Variants in ZFPM2 observed in about 807,000 individuals in gnomAD.
The protein encoded by ZFPM2 is zinc finger protein ZFPM2.
Under a neutral mutation model 98.6 loss-of-function variants are expected in ZFPM2, and 20 were observed. The ratio of observed to expected loss-of-function variants is 0.20; its 90% CI spans 0.14 to 0.29. The LOEUF (loss-of-function observed/expected upper bound fraction) is 0.29, where lower values mean the gene tolerates loss of function less well. ZFPM2 is among the 10% of genes least tolerant of loss of function. The pLI, the probability that ZFPM2 is intolerant of heterozygous loss-of-function variation, is 1.00. For synonymous variants in ZFPM2, 518 were observed against 502.7 expected (o/e 1.03, Z -0.41); for missense variants, 1,310 against 1,388.6 (o/e 0.94, Z 0.90).
At chr8:105,754,354 T>G (rs1812547176) in intron 5 of ZFPM2, among the ~76,000 whole-genome samples, 2 of 152,188 alleles carry the variant, frequency 1.3e-5, no homozygotes, top group African/African-American at 4.8e-5. Flanking sequence ...AAGAATTTTT[T>G]ATGTCCACTG....
chr8:105,334,150 G>A (rs1343692809), intron 1 of ZFPM2, among the ~76,000 whole-genome samples: 1 of 150,758 alleles, frequency 6.6e-6, no homozygotes, highest in Non-Finnish European at 1.5e-5. Flanking sequence ...GTGTGTGTGT[G>A]TGTGTGTGTG....
chr8:105,681,410 T>G (rs6993551), intron 5 of ZFPM2, among the ~76,000 whole-genome samples: 218 of 152,284 alleles, frequency 1.4e-3, no homozygotes, highest in African/African-American at 4.9e-3. Flanking sequence ...GTAGCAACAC[T>G]TTTTGGAGAA....
At chr8:105,757,797 G>T (rs538316837) in intron 5 of ZFPM2, among the ~76,000 whole-genome samples, 2 of 152,058 alleles carry the variant, frequency 1.3e-5, no homozygotes, top group Non-Finnish European at 2.9e-5. Context: ...TGGGCTTCTG[G>T]TGTTGTGAAA....
rs1233046594 is a variant in ZFPM2, at chr8:105,539,621, C to T, written c.302-21742C>T. On this transcript the variant is annotated intron_variant, in intron 3 of 7. Coordinates refer to ENST00000407775, the MANE Select transcript of ZFPM2 (RefSeq NM_012082.4). ...TAAAGAAACCAATAAAACTGACCTC[C>T]AGCAATTTACATGCACCTTTGTGAG... is the stretch of plus-strand genomic sequence containing the variant. Among the ~76,000 whole-genome samples, 3 of 152,128 alleles carry T rather than the reference C, an allele frequency of 2.0e-5. No individual in the cohort carries two copies. The East Asian group carries it at 5.8e-4, about 29-fold the overall frequency.
chr8:105,770,762 C>T (rs1015474765), intron 5 of ZFPM2, among the ~76,000 whole-genome samples: 8 of 152,260 alleles, frequency 5.3e-5, no homozygotes, highest in Middle Eastern at 3.4e-3. Context: ...TTCTAGGCAT[C>T]TGTTTGCCAA....
chr8:105,561,256 A>G (rs779730457), intron 3 of ZFPM2, 107 bp from the exon 4 acceptor site: 6 of 836,366 alleles, frequency 7.2e-6, no homozygotes, highest in Non-Finnish European at 1.2e-5. Flanking sequence ...AATTCTCTTT[A>G]TATGAATCCT....
At chr8:105,529,578 C>CG (rs1004390853) in intron 3 of ZFPM2, among the ~76,000 whole-genome samples, 1 of 122,132 alleles carries the variant, frequency 8.2e-6, no homozygotes, top group East Asian at 2.2e-4. Flanking sequence ...CAACTCTCAG[C>CG]ATTTTTTTTT....
At chr8:105,353,003 A>C (rs993662633) in intron 1 of ZFPM2, among the ~76,000 whole-genome samples, 1 of 152,270 alleles carries the variant, frequency 6.6e-6, no homozygotes, top group East Asian at 1.9e-4. Context: ...ATAGGCTTTG[A>C]GCTAAGTACA....
chr8:105,801,136 C>T lies in ZFPM2; in HGVS notation c.1054C>T (p.Gln352Ter). ...YTADSVINFH[Q>*]HLFSHLTQAA... The stretch of plus-strand genomic sequence containing the variant: ...TGCTGATTCCGTGATCAACTTTCAC[C>T]AACACCTGTTCTCCCATCTCACTCA... Residue 352 changes from glutamine to a stop codon, truncating the protein, a stop_gained, in exon 8 of 8, where the codon CAA becomes TAA. Coordinates refer to ENST00000407775, the MANE Select transcript of ZFPM2 (RefSeq NM_012082.4). LOFTEE classifies it high-confidence loss of function. 6.2e-7 allele frequency: 1 copy of T among 1,613,916 alleles called. No homozygotes were observed. Among genetic ancestry groups the T allele is most frequent in the Non-Finnish European group, 8.5e-7 (1 of 1,179,870 alleles).
intron 3 of ZFPM2, among the ~76,000 whole-genome samples, chr8:105,517,416 A>C (rs963054418): frequency 1.3e-5 from 2 of 152,182 alleles, no homozygotes; most frequent in Non-Finnish European, 2.9e-5. Flanking sequence ...TTGACAAATA[A>C]AAATTATATG....
At chr8:105,707,659 A>G (rs1384450882) in intron 5 of ZFPM2, among the ~76,000 whole-genome samples, 1 of 152,230 alleles carries the variant, frequency 6.6e-6, no homozygotes, top group Non-Finnish European at 1.5e-5. Flanking sequence ...ATCAAAATGT[A>G]AATGTATTAA....
chr8:105,657,882 T>C (rs528788992), intron 5 of ZFPM2, among the ~76,000 whole-genome samples: 21 of 152,298 alleles, frequency 1.4e-4, no homozygotes, highest in Admixed American at 4.6e-4. Context: ...TTTACATGCC[T>C]ACCAAATTAA....
At chr8:105,505,186 G>A (rs1813674681) in intron 3 of ZFPM2, among the ~76,000 whole-genome samples, 1 of 152,100 alleles carries the variant, frequency 6.6e-6, no homozygotes, top group South Asian at 2.1e-4. Context: ...TACTCTGCAA[G>A]GTTAGCTGCT....
intron 3 of ZFPM2, among the ~76,000 whole-genome samples, chr8:105,537,122 C>A (rs1022923757): frequency 1.2e-4 from 19 of 152,122 alleles, no homozygotes; most frequent in Non-Finnish European, 2.2e-4. Flanking sequence ...ACCAGAGTCT[C>A]ATTTTTTAAG....
At chr8:105,520,249 A>G (rs6996138) in intron 3 of ZFPM2, among the ~76,000 whole-genome samples, 50,274 of 151,964 alleles carry the variant, frequency 0.33, 9,182 homozygotes, top group African/African-American at 0.49. Context: ...AAAGTGAGAT[A>G]GAAAAATTTG....
At chr8:105,429,710 A>G (rs1008642044) in intron 2 of ZFPM2, among the ~76,000 whole-genome samples, 1 of 151,830 alleles carries the variant, frequency 6.6e-6, no homozygotes, top group Non-Finnish European at 1.5e-5. Flanking sequence ...CCAAAAAAAA[A>G]AAAAAATGGA....
chr8:105,341,157 G>A (rs966269680), intron 1 of ZFPM2, among the ~76,000 whole-genome samples: 1 of 151,864 alleles, frequency 6.6e-6, no homozygotes, highest in Admixed American at 6.6e-5. Context: ...TACTAAGGTA[G>A]GTATAGAACA....
chr8:105,704,842 T>A (rs868497445), intron 5 of ZFPM2, among the ~76,000 whole-genome samples: 20 of 152,268 alleles, frequency 1.3e-4, no homozygotes, highest in African/African-American at 4.3e-4. Flanking sequence ...GAGGTTTCCT[T>A]CTTGACCATT....
intron 5 of ZFPM2, among the ~76,000 whole-genome samples, chr8:105,681,614 G>C (rs1810603510): frequency 6.6e-6 from 1 of 152,130 alleles, no homozygotes. Flanking sequence ...AGTAGGAAGA[G>C]TAATAACTAC....
Sources: gnomAD v4.1 joint callset for allele counts (sites outside exome capture counted in the v4.1 genomes callset) on GRCh38, gnomAD v4.1.1 for gene constraint, MANE v1.5 for transcripts, NCBI Gene and HGNC (gene_info 2026-07-23, HGNC 2026-07-21) for gene names.